IPPK: variants seen among roughly 807,000 people sequenced by gnomAD.
The protein encoded by IPPK is inositol-pentakisphosphate 2-kinase, also known as IPK1 homolog.
A neutral mutation model predicts 64.6 loss-of-function variants in IPPK; 22 were observed. The ratio of observed to expected loss-of-function variants is 0.34; its 90% CI spans 0.24 to 0.49. IPPK has a LOEUF of 0.49. IPPK is among the 20% of genes least tolerant of loss of function. The pLI is 0.99. For missense variants in IPPK, 532 were observed against 630.7 expected, an observed-to-expected ratio of 0.84 and a Z score of 1.68; for synonymous variants, 262 against 247.2, an observed-to-expected ratio of 1.06 and a Z score of -0.56.
chr9:92,665,284 T>C (rs1309532554), intron 1 of IPPK, among the ~76,000 whole-genome samples: 1 of 152,220 alleles, frequency 6.6e-6, no homozygotes, highest in East Asian at 1.9e-4. Flanking sequence ...CTTGGGCACA[T>C]GTTATACAGT....
Position 92,640,733 on chromosome 9 carries a change from G to A in IPPK, c.613C>T (p.Gln205Ter). ...ACCTTAAATATCTTCAAGTTGTTCT[G>A]TGCCTCCTGCAGCAAACTCTTCAAG... ...FALKSLLQEA[Q>*]NNLKIFKNGE... Residue 205 changes from glutamine (Q) to a stop codon, truncating the protein, a stop_gained, in exon 8 of 13, where the codon CAG (glutamine) becomes TAG (stop). Transcript: ENST00000287996. LOFTEE classifies it high-confidence loss of function. 6.2e-7 allele frequency: 1 copy of A among 1,612,408 alleles called. No homozygotes were observed. Among genetic ancestry groups the A allele is most frequent in the Non-Finnish European group, 8.5e-7 (1 of 1,178,406 alleles).
At chr9:92,625,689 T>A (rs1350034459) in intron 11 of IPPK, among the ~76,000 whole-genome samples, 1 of 152,216 alleles carries the variant, frequency 6.6e-6, no homozygotes, top group Non-Finnish European at 1.5e-5. Context: ...CTGGGAAGGC[T>A]GAGCTGTCCT....
intron 11 of IPPK, among the ~76,000 whole-genome samples, chr9:92,628,998 G>A (rs573974035): frequency 6.6e-6 from 1 of 152,152 alleles, no homozygotes; most frequent in South Asian, 2.1e-4. Flanking sequence ...GGTTGAGGCA[G>A]GATTACTCGA....
At chr9:92,627,932 T>C (rs1039215269) in intron 11 of IPPK, among the ~76,000 whole-genome samples, 1 of 152,112 alleles carries the variant, frequency 6.6e-6, no homozygotes, top group Non-Finnish European at 1.5e-5. Context: ...TGATCTTAAA[T>C]AGAGAGAATC....
At chr9:92,639,014 G>A (rs1851997807) in intron 8 of IPPK, among the ~76,000 whole-genome samples, 2 of 152,138 alleles carry the variant, frequency 1.3e-5, no homozygotes, top group African/African-American at 4.8e-5. Context: ...CAGGAGAGTA[G>A]CAACTCTTTA....
At chr9:92,669,715 T>C (rs1852684962) in intron 1 of IPPK, among the ~76,000 whole-genome samples, 193 bp downstream of exon 1, 1 of 145,022 alleles carries the variant, frequency 6.9e-6, no homozygotes, top group Non-Finnish European at 1.5e-5. Context: ...AGAGAGGGGA[T>C]ACTGGGGTGA....
In IPPK at chr9:92,656,489, C is replaced by T; in HGVS notation, c.192G>A (p.Lys64=). Residue 64 remains lysine (K), a synonymous_variant, in exon 3 of 13, where the codon AAG becomes AAA. Transcript: ENST00000287996. ...NIVDFGKNVM[K]EFLGENYVHY... ...GAACATAGTTCTCCCCCAAAAACTC[C>T]TTCATGACATTTTTCCCAAAGTCCA... The T allele has an allele frequency of 6.2e-7, 1 of 1,613,584 alleles. No homozygotes were observed. The highest frequency in any genetic ancestry group is 8.5e-7 in the Non-Finnish European group (1 of 1,179,470).
At chr9:92,668,566 C>T (rs1852652355) in intron 1 of IPPK, among the ~76,000 whole-genome samples, 1 of 152,228 alleles carries the variant, frequency 6.6e-6, no homozygotes. Flanking sequence ...AGAGATACAT[C>T]TAATCTTACC....
intron 11 of IPPK, 55 bp downstream of exon 11, chr9:92,634,331 A>G (rs1292162414): frequency 4.9e-6 from 6 of 1,232,124 alleles, no homozygotes; most frequent in Non-Finnish European, 5.9e-6. Flanking sequence ...AAAAAAACAG[A>G]TTAGTGCTAA....
intron 11 of IPPK, among the ~76,000 whole-genome samples, chr9:92,624,088 AC>A (rs1311877930): frequency 2.6e-5 from 4 of 152,074 alleles, no homozygotes; most frequent in African/African-American, 9.7e-5. Flanking sequence ...TGTAATCCCA[AC>A]ACTTTGGGAC....
In IPPK at chr9:92,658,743, T is replaced by C. The variant is rs1202377293; in HGVS notation, c.82-62A>G. On this transcript the variant is annotated intron_variant, in intron 1 of 12. Transcript: ENST00000287996. The stretch of plus-strand genomic sequence containing the variant: ...TCAAAGCCAAGGCACAAGGTGTCAG[T>C]CAGTTTGGGGGTCCCATCCTCAGTG... The C allele has an allele frequency of 3.4e-6, 5 of 1,472,006 alleles. No individual in the cohort carries two copies. In the African/African-American group the frequency reaches 7.0e-5, roughly 21 times the overall value. 91.2% of individuals were successfully genotyped at this position (1,472,006 alleles called of 1,614,324 possible).
intron 8 of IPPK, 41 bp downstream of exon 8, chr9:92,640,668 AG>A (rs3216731): frequency 0.13 from 180,468 of 1,376,044 alleles, 13,221 homozygotes; most frequent in East Asian, 0.27. Flanking sequence ...AACCTTTGCC[AG>A]CCCCACCCTG....
At chr9:92,618,400 C>G (rs1273628161) in intron 12 of IPPK, 1 of 456,706 alleles carries the variant, frequency 2.2e-6, no homozygotes, top group Non-Finnish European at 4.4e-6. Context: ...CATCACTGAC[C>G]AGGCACTAAG....
intron 11 of IPPK, among the ~76,000 whole-genome samples, chr9:92,626,141 T>TA (rs1375225899): frequency 4.6e-5 from 7 of 152,158 alleles, no homozygotes; most frequent in African/African-American, 1.7e-4. Flanking sequence ...CTCACGCCTG[T>TA]AATCCCAGCA....
At chr9:92,653,659 G>A (rs756969016) in intron 3 of IPPK, among the ~76,000 whole-genome samples, 2 of 152,140 alleles carry the variant, frequency 1.3e-5, no homozygotes, top group Non-Finnish European at 2.9e-5. Context: ...AGACCAGCCT[G>A]ACCAACATGG....
chr9:92,625,661 G>A (rs998946436), intron 11 of IPPK, among the ~76,000 whole-genome samples: 1 of 152,208 alleles, frequency 6.6e-6, no homozygotes, highest in Non-Finnish European at 1.5e-5. Context: ...TGCAACTAGA[G>A]TTTTGAGCAT....
At chr9:92,621,951 A>G (rs867540371) in intron 11 of IPPK, among the ~76,000 whole-genome samples, 7 of 152,332 alleles carry the variant, frequency 4.6e-5, no homozygotes, top group African/African-American at 1.7e-4. Context: ...AGTTCTTATC[A>G]CTCATAAACA....
chr9:92,634,220 G>T (rs1851896165), intron 11 of IPPK, among the ~76,000 whole-genome samples, 166 bp downstream of exon 11: 1 of 152,164 alleles, frequency 6.6e-6, no homozygotes. Context: ...ACCACCACCT[G>T]CCCCAGTTCA....
chr9:92,632,151 T>C (rs1851857504), intron 11 of IPPK, among the ~76,000 whole-genome samples: 1 of 152,212 alleles, frequency 6.6e-6, no homozygotes, highest in Non-Finnish European at 1.5e-5. Flanking sequence ...GTTTCCAGTT[T>C]TTAGCTGTTA....
Sources: gnomAD v4.1 joint callset for allele counts (sites outside exome capture counted in the v4.1 genomes callset) on GRCh38, gnomAD v4.1.1 for gene constraint, MANE v1.5 for transcripts, NCBI Gene and HGNC (gene_info 2026-07-23, HGNC 2026-07-21) for gene names.